Variants in GPR65 observed in about 807,000 individuals in gnomAD.
The protein encoded by GPR65 is T-cell death-associated gene 8 protein.
GPR65 carries 2 observed loss-of-function variants against 0.7 expected under a neutral mutation model. That is an observed-to-expected ratio of 2.83 (90% CI 1.16 to 8.92). GPR65 has a LOEUF of 8.92. Among genes scored for constraint, GPR65 ranks in the 30% most tolerant of loss-of-function variants. The pLI is 0.04. For missense variants in GPR65, 379 were observed against 399.4 expected, an observed-to-expected ratio of 0.95 and a Z score of 0.43; for synonymous variants, 128 against 146.5, an observed-to-expected ratio of 0.87 and a Z score of 0.91.
intron 1 of GPR65, among the ~76,000 whole-genome samples, chr14:88,007,681 GTT>G (rs1247303151): frequency 1.3e-5 from 2 of 149,046 alleles, no homozygotes; most frequent in African/African-American, 2.5e-5. Context: ...CATATTTTGT[GTT>G]TTTTATATAT....
Position 88,010,912 on chromosome 14 carries a change from T to G in GPR65, c.65T>G (p.Ile22Ser). Reference protein sequence around the residue: ...LDHYLFPIVYIFVIIVSIPAN... With the variant: ...LDHYLFPIVYSFVIIVSIPAN... ...CACTATTTGTTTCCCATTGTTTACA[T>G]CTTTGTGATTATAGTCAGCATTCCA... is the stretch of plus-strand genomic sequence containing the variant. Residue 22 changes from isoleucine (I) to serine (S), a missense_variant, in exon 2 of 2, where the codon ATC (isoleucine) becomes AGC (serine). Ile to Ser is a moderately radical substitution (Grantham distance 142, BLOSUM62 -2). Coordinates refer to ENST00000267549, the MANE Select transcript of GPR65 (RefSeq NM_003608.4). The G allele has an allele frequency of 6.2e-7, 1 of 1,612,172 alleles. No individual in the cohort carries two copies. Among genetic ancestry groups the G allele is most frequent in the Admixed American group, 1.7e-5 (1 of 59,996 alleles).
At chr14:88,007,861 C>T (rs765870324) in intron 1 of GPR65, among the ~76,000 whole-genome samples, 1 of 150,826 alleles carries the variant, frequency 6.6e-6, no homozygotes, top group Non-Finnish European at 1.5e-5. Context: ...CTGTAGGATT[C>T]TTTGAGGCCT....
At chr14:88,007,292 A>G (rs1333540726) in intron 1 of GPR65, among the ~76,000 whole-genome samples, 1 of 152,150 alleles carries the variant, frequency 6.6e-6, no homozygotes, top group African/African-American at 2.4e-5. Context: ...AGATTCCTTC[A>G]TCAGTTCTAG....
In GPR65 at chr14:88,010,640, T is replaced by C; in HGVS notation, c.-208T>C. On this transcript the variant is annotated 5_prime_UTR_variant, in exon 2 of 2. Transcript: ENST00000267549. ...AATTGCCAGGAGCCTGGATTTTTAC[T>C]TCCAACTGCTGATATCTGTGTAAAA... 1 of 508,616 alleles carries C rather than the reference T, an allele frequency of 2.0e-6. No individual in the cohort carries two copies. The highest frequency in any genetic ancestry group is 3.5e-6 in the Non-Finnish European group (1 of 286,682). The allele number at this position is 508,616 out of a possible 1,614,324, so 31.5% of individuals were successfully genotyped here.
chr14:88,005,451 T>C (rs557079429), intron 1 of GPR65, among the ~76,000 whole-genome samples: 5 of 152,160 alleles, frequency 3.3e-5, no homozygotes, highest in South Asian at 2.1e-4. Flanking sequence ...ACCATAGATA[T>C]AGAAAAAGGG....
intron 1 of GPR65, among the ~76,000 whole-genome samples, chr14:88,007,313 A>T (rs1887607868): frequency 6.6e-6 from 1 of 152,104 alleles, no homozygotes; most frequent in African/African-American, 2.4e-5. Flanking sequence ...AAAGCTCATC[A>T]TCTTTGTGAA....
At chr14:88,007,547 T>C (rs1028824188) in intron 1 of GPR65, among the ~76,000 whole-genome samples, 13 of 151,102 alleles carry the variant, frequency 8.6e-5, no homozygotes, top group African/African-American at 3.1e-4. Context: ...ATTTAAATTA[T>C]TATTATTTTT....
chr14:88,005,572 C>T (rs1054612720), intron 1 of GPR65, among the ~76,000 whole-genome samples: 3 of 152,154 alleles, frequency 2.0e-5, no homozygotes, highest in Admixed American at 2.0e-4. Context: ...GCACCAATCC[C>T]TCATCTGTAC....
At position 88,011,841 on chromosome 14, in the gene GPR65, G is replaced by T; in HGVS notation, c.994G>T (p.Glu332Ter). The change falls in exon 2 of 2, where the codon GAA becomes TAA. Residue 332 changes from glutamate (E) to a stop codon, truncating the protein, a stop_gained. Coordinates refer to ENST00000267549, the MANE Select transcript of GPR65 (RefSeq NM_003608.4). LOFTEE classifies it high-confidence loss of function. ...TTCTGTGTCTACAAAAGATACTATG[G>T]AATTAGAGGTCCTTGAGTAGAACCA... ...ILSVSTKDTMELEVLE is the reference protein window; with the variant it reads ...ILSVSTKDTM 2 of 1,563,878 alleles carry T rather than the reference G, an allele frequency of 1.3e-6. No homozygotes were observed. The highest frequency in any genetic ancestry group is 2.4e-5 in the South Asian group (2 of 83,548).
rs1484058596 is a variant in GPR65 at position 88,012,764 on chromosome 14, T to A, written c.*903T>A. 1 of 152,150 alleles carries A rather than the reference T, an allele frequency of 6.6e-6. No homozygotes were observed. Among genetic ancestry groups the A allele is most frequent in the East Asian group, 1.9e-4 (1 of 5,192 alleles). The allele number at this position is 152,150 out of a possible 1,614,324, so 9.4% of individuals were successfully genotyped here. On this transcript the variant is annotated 3_prime_UTR_variant, in exon 2 of 2. Coordinates refer to ENST00000267549, the MANE Select transcript of GPR65 (RefSeq NM_003608.4). ...GCTTCATTAACAAATATTTATTGAATCCATTCCATAAACTAGGTTTTGAGT... is the reference window on the plus strand; with the variant it reads ...GCTTCATTAACAAATATTTATTGAAACCATTCCATAAACTAGGTTTTGAGT...
Position 88,010,129 on chromosome 14 carries a change from A to G in GPR65, c.-459-260A>G, listed in dbSNP as rs755167082. On this transcript the variant is annotated intron_variant, in intron 1 of 1. Coordinates refer to ENST00000267549, the MANE Select transcript of GPR65 (RefSeq NM_003608.4). ...AAATTGAGTTTTGTGTTCTTGGGTT[A>G]TATCCATTGAGAAATATAATTCGCT... Among the ~76,000 whole-genome samples the G allele has an allele frequency of 1.5e-4, 23 of 152,350 alleles. No homozygotes were observed. The Middle Eastern group carries it at 0.014, about 90-fold the overall frequency.
rs1349260320 is a variant in GPR65, at chr14:88,013,299, C to T, written c.*1438C>T. On this transcript the variant is annotated 3_prime_UTR_variant, in exon 2 of 2. Coordinates refer to ENST00000267549, the MANE Select transcript of GPR65 (RefSeq NM_003608.4). ...CTCCTGACCTCAAGTGATCATCCCA[C>T]CTAGGTCTCCCAAAGTGCTGAGATG... 1 of 152,122 alleles carries T rather than the reference C, an allele frequency of 6.6e-6. No individual in the cohort carries two copies. Among genetic ancestry groups the T allele is most frequent in the Non-Finnish European group, 1.5e-5 (1 of 68,058 alleles). The allele number at this position is 152,122 out of a possible 1,614,324, so 9.4% of individuals were successfully genotyped here. A position where few individuals can be genotyped will look rare whatever the true frequency, so the allele number is the denominator to read the frequency against.
Position 88,011,971 on chromosome 14 carries a change from A to T in GPR65, c.*110A>T. On this transcript the variant is annotated 3_prime_UTR_variant, in exon 2 of 2. Transcript: ENST00000267549. ...ATGTGAGGGGACTAAGTGTTCTCAG[A>T]GTGATGTTTTAATCCAGTCCAATAA... 5 of 768,438 alleles carry T rather than the reference A, an allele frequency of 6.5e-6. No homozygotes were observed. The highest frequency in any genetic ancestry group is 8.6e-6 in the Non-Finnish European group (4 of 467,690). The allele number at this position is 768,438 out of a possible 1,614,324, so 47.6% of individuals were successfully genotyped here.
At position 88,011,745 on chromosome 14, in the gene GPR65, G is replaced by A; in HGVS notation, c.898G>A (p.Asp300Asn). The change falls in exon 2 of 2, where the codon GAT becomes AAT. Residue 300 changes from aspartate to asparagine, a missense_variant. Asp to Asn is a conservative substitution (Grantham distance 23). Coordinates refer to ENST00000267549, the MANE Select transcript of GPR65 (RefSeq NM_003608.4). ...TTTTGTAACCGAAACAGGAAGATAT[G>A]ATATGTGGAATATATTAAAATTCTG... is the stretch of plus-strand genomic sequence containing the variant. ...YCFVTETGRY[D>N]MWNILKFCTG... The A allele has an allele frequency of 6.2e-7, 1 of 1,613,158 alleles. No homozygotes were observed. The highest frequency in any genetic ancestry group is 8.5e-7 in the Non-Finnish European group (1 of 1,179,224).
Position 88,012,944 on chromosome 14 carries a change from G to A in GPR65, c.*1083G>A. On this transcript the variant is annotated 3_prime_UTR_variant, in exon 2 of 2. Coordinates refer to ENST00000267549, the MANE Select transcript of GPR65 (RefSeq NM_003608.4). ...TGATCTCTTTTTAATTTATAACTGG[G>A]TATAACATAGCTGAAATTACCAGAA... The A allele has an allele frequency of 6.6e-6, 1 of 152,006 alleles. No homozygotes were observed. The highest frequency in any genetic ancestry group is 2.1e-4 in the South Asian group (1 of 4,820). The allele number at this position is 152,006 out of a possible 1,614,324, so 9.4% of individuals were successfully genotyped here. A position where few individuals can be genotyped will look rare whatever the true frequency, so the allele number is the denominator to read the frequency against.
intron 1 of GPR65, among the ~76,000 whole-genome samples, chr14:88,005,702 C>A (rs964193457): frequency 3.3e-5 from 5 of 151,994 alleles, no homozygotes; most frequent in African/African-American, 1.2e-4. Context: ...TACCACAGTG[C>A]CTGAAATATA....
intron 1 of GPR65, among the ~76,000 whole-genome samples, chr14:88,009,298 C>G (rs1887640048): frequency 1.3e-5 from 2 of 152,156 alleles, no homozygotes; most frequent in African/African-American, 4.8e-5. Flanking sequence ...TTTTCCCCCC[C>G]TTTGGAAGCT....
At chr14:88,006,241 T>C (rs570414875) in intron 1 of GPR65, among the ~76,000 whole-genome samples, 1 of 152,312 alleles carries the variant, frequency 6.6e-6, no homozygotes, top group African/African-American at 2.4e-5. Flanking sequence ...AAAACAATAT[T>C]ACCAGCTAAC....
intron 1 of GPR65, among the ~76,000 whole-genome samples, chr14:88,007,741 G>T: frequency 6.8e-6 from 1 of 146,818 alleles, no homozygotes; most frequent in Admixed American, 6.8e-5. Context: ...GGTTTACTTT[G>T]TTGTTTCTGC....
Sources: allele counts gnomAD v4.1 joint callset (sites outside exome capture counted in the v4.1 genomes callset), GRCh38; gene constraint gnomAD v4.1.1; transcripts MANE v1.5; gene names NCBI Gene and HGNC (gene_info 2026-07-23, HGNC 2026-07-21).